The following PCBD2 variants were observed in gnomAD, a reference collection of about 807,000 sequenced individuals.
The protein encoded by PCBD2 is pterin-4 alpha-carbinolamine dehydratase 2.
A neutral mutation model predicts 16.4 loss-of-function variants in PCBD2; 12 were observed. That is an observed-to-expected ratio of 0.73 (90% confidence interval 0.47 to 1.19). PCBD2 has a LOEUF of 1.19. Among genes scored for constraint, PCBD2 ranks in the 50% most tolerant of loss-of-function variants. The probability of loss-of-function intolerance (pLI) is 0.00; values close to 1 mark genes in which losing one functional copy is unlikely to be tolerated. For synonymous variants in PCBD2, 58 were observed against 61.8 expected (o/e 0.94, Z 0.29); for missense variants, 138 against 156.8 (o/e 0.88, Z 0.64).
intron 2 of PCBD2, among the ~76,000 whole-genome samples, chr5:134,945,220 T>A (rs901477669): frequency 2.0e-5 from 3 of 152,104 alleles, no homozygotes; most frequent in Non-Finnish European, 1.5e-5. Flanking sequence ...GCCCTGATGG[T>A]TTAGAGCCAG....
At chr5:134,909,944 C>T (rs1426086870) in intron 1 of PCBD2, among the ~76,000 whole-genome samples, 1 of 152,120 alleles carries the variant, frequency 6.6e-6, no homozygotes, top group Non-Finnish European at 1.5e-5. Context: ...GTGGTGTGCA[C>T]CTGTAGTCCC....
chr5:134,910,585 C>T (rs924354823), intron 2 of PCBD2, 119 bp downstream of exon 2: 7 of 1,249,452 alleles, frequency 5.6e-6, no homozygotes, highest in Non-Finnish European at 7.7e-6. Context: ...CTCTTCCCTT[C>T]TTTAAGAATT....
intron 2 of PCBD2, chr5:134,927,716 A>G (rs748263372): frequency 2.5e-6 from 1 of 398,054 alleles, no homozygotes; most frequent in East Asian, 3.6e-5. Context: ...TGAATGTCAT[A>G]ATTAAGGAGA....
rs1236091256 is a variant in PCBD2, at chr5:134,934,176, A to G, written c.216+23710A>G. Among the ~76,000 whole-genome samples the G allele has an allele frequency of 2.6e-5, 4 of 152,076 alleles. No individual in the cohort carries two copies. The East Asian group carries it at 5.8e-4, about 22-fold the overall frequency. ...ATTTGTGTTTTTATTTTTGAATTGG[A>G]TAAGTAAGGGACATGTACTTTCCCC... On this transcript the variant is annotated intron_variant, in intron 2 of 3. Transcript: ENST00000254908.
At chr5:134,926,603 T>A in intron 2 of PCBD2, 2 of 396,140 alleles carry the variant, frequency 5.0e-6, no homozygotes, top group Non-Finnish European at 8.9e-6. Context: ...AAATAAGGGG[T>A]CGTGAGCCTC....
intron 2 of PCBD2, among the ~76,000 whole-genome samples, chr5:134,943,532 A>T (rs1751257186): frequency 6.6e-6 from 1 of 152,224 alleles, no homozygotes; most frequent in Admixed American, 6.5e-5. Context: ...AAGTTACTGA[A>T]TGTCTGTTGC....
intron 2 of PCBD2, among the ~76,000 whole-genome samples, chr5:134,930,572 C>T (rs1208612571): frequency 1.3e-5 from 2 of 152,158 alleles, no homozygotes; most frequent in Non-Finnish European, 1.5e-5. Flanking sequence ...TTGATTGTGC[C>T]TTTGTTCTGC....
intron 2 of PCBD2, among the ~76,000 whole-genome samples, chr5:134,921,171 G>A (rs1272577935): frequency 6.6e-6 from 1 of 152,238 alleles, no homozygotes; most frequent in African/African-American, 2.4e-5. Flanking sequence ...CTGGATCCAA[G>A]AGGTGGAAGG....
At chr5:134,950,819 T>C (rs969852485) in intron 2 of PCBD2, among the ~76,000 whole-genome samples, 6 of 152,226 alleles carry the variant, frequency 3.9e-5, no homozygotes, top group Non-Finnish European at 7.3e-5. Flanking sequence ...TCAGCCATTA[T>C]ACGTTATTTG....
intron 2 of PCBD2, chr5:134,926,904 T>A (rs1751008504): frequency 2.5e-6 from 1 of 398,194 alleles, no homozygotes; most frequent in African/African-American, 2.1e-5. Flanking sequence ...CACAGAGAGT[T>A]CTCCTAGTAG....
intron 2 of PCBD2, among the ~76,000 whole-genome samples, chr5:134,920,494 G>A (rs935175576): frequency 6.6e-6 from 1 of 152,206 alleles, no homozygotes; most frequent in African/African-American, 2.4e-5. Flanking sequence ...ATATTCGCCA[G>A]CTGAAACAAA....
At chr5:134,926,017 C>A in intron 2 of PCBD2, 1 of 379,698 alleles carries the variant, frequency 2.6e-6, no homozygotes, top group South Asian at 1.3e-4. Flanking sequence ...GGATATAATT[C>A]CTACGCCTTC....
At chr5:134,941,750 G>GA (rs1177506204) in intron 2 of PCBD2, among the ~76,000 whole-genome samples, 2 of 151,930 alleles carry the variant, frequency 1.3e-5, no homozygotes, top group African/African-American at 4.8e-5. Flanking sequence ...AGGGCACAGG[G>GA]AAAAAAACTA....
At chr5:134,941,541 G>A (rs1751227450) in intron 2 of PCBD2, among the ~76,000 whole-genome samples, 1 of 152,076 alleles carries the variant, frequency 6.6e-6, no homozygotes, top group Non-Finnish European at 1.5e-5. Flanking sequence ...GATATATTTG[G>A]TATACATGTC....
intron 2 of PCBD2, among the ~76,000 whole-genome samples, chr5:134,944,226 A>C (rs1183965287): frequency 2.0e-5 from 3 of 152,144 alleles, no homozygotes; most frequent in Admixed American, 2.0e-4. Context: ...GTGCCTAGTA[A>C]GGTTTTGCAT....
intron 2 of PCBD2, chr5:134,927,146 T>A (rs1751016513): frequency 2.5e-6 from 1 of 398,478 alleles, no homozygotes; most frequent in South Asian, 1.3e-4. Context: ...TGGCTGTTAC[T>A]ACGAGGGCTA....
chr5:134,919,473 C>G (rs1004939476), intron 2 of PCBD2, among the ~76,000 whole-genome samples: 2 of 152,094 alleles, frequency 1.3e-5, no homozygotes, highest in African/African-American at 4.8e-5. Flanking sequence ...TCATGAAATG[C>G]AGTGACATAA....
At chr5:134,934,946 C>G (rs1196251778) in intron 2 of PCBD2, among the ~76,000 whole-genome samples, 1 of 152,208 alleles carries the variant, frequency 6.6e-6, no homozygotes, top group Non-Finnish European at 1.5e-5. Flanking sequence ...AGCTATCCAA[C>G]ATTTTGCTTC....
intron 2 of PCBD2, among the ~76,000 whole-genome samples, chr5:134,958,441 A>C (rs1438383418): frequency 1.3e-5 from 2 of 152,182 alleles, no homozygotes. Flanking sequence ...ATGGCAGTGC[A>C]GGGCAGTAGC....
Sources: gnomAD v4.1 joint callset for allele counts (sites outside exome capture counted in the v4.1 genomes callset) on GRCh38, gnomAD v4.1.1 for gene constraint, MANE v1.5 for transcripts, NCBI Gene and HGNC (gene_info 2026-07-23, HGNC 2026-07-21) for gene names.